Variants in DHRS12 observed in about 807,000 individuals in gnomAD.
DHRS12 encodes dehydrogenase/reductase SDR family member 12.
In DHRS12, 29 loss-of-function variants were observed where a neutral mutation model predicts 32.1. The ratio of observed to expected loss-of-function variants is 0.90; its 90% CI spans 0.67 to 1.23. The LOEUF (loss-of-function observed/expected upper bound fraction) is 1.23. DHRS12 is among the 50% of genes most tolerant of loss of function. The pLI is 0.00. For synonymous variants in DHRS12, 150 were observed against 135.9 expected (o/e 1.10, Z -0.72); for missense variants, 330 against 337.2 (o/e 0.98, Z 0.17).
At chr13:51,802,367 A>G (rs1368484092) in intron 1 of DHRS12, among the ~76,000 whole-genome samples, 1 of 152,194 alleles carries the variant, frequency 6.6e-6, no homozygotes, top group Non-Finnish European at 1.5e-5. Flanking sequence ...TTGCTTGGCA[A>G]CCTGTGGTTT....
intron 2 of DHRS12, among the ~76,000 whole-genome samples, chr13:51,798,590 TCTC>T (rs764351771): frequency 1.8e-4 from 27 of 152,248 alleles, no homozygotes; most frequent in Non-Finnish European, 3.7e-4. Flanking sequence ...GCCCCTCTTC[TCTC>T]CTCCTCTCCG....
chr13:51,801,222 T>G (rs1487999408), intron 1 of DHRS12, among the ~76,000 whole-genome samples: 1 of 152,214 alleles, frequency 6.6e-6, no homozygotes, highest in Non-Finnish European at 1.5e-5. Flanking sequence ...AGTCCCACCC[T>G]GTCGCCCAGG....
At chr13:51,755,586 C>T in the DHRS12 span, 3 of 808,750 alleles carry the variant, frequency 3.7e-6, no homozygotes, top group South Asian at 3.3e-5. Context: ...GGAGTCACCT[C>T]GTGATTGCAC....
chr13:51,797,478 C>T (rs1955558996), intron 2 of DHRS12, among the ~76,000 whole-genome samples: 2 of 152,156 alleles, frequency 1.3e-5, no homozygotes. Flanking sequence ...TGCATGGCTC[C>T]GTGGCACCCG....
chr13:51,769,386 A>C, intron 7 of DHRS12, 93 bp from the exon 8 acceptor site: 6 of 1,038,178 alleles, frequency 5.8e-6, no homozygotes, highest in Non-Finnish European at 8.0e-6. Flanking sequence ...AAGTGCAAAA[A>C]TGAAATGGGA....
the DHRS12 span, chr13:51,756,266 T>G: frequency 6.5e-7 from 1 of 1,547,034 alleles, no homozygotes; most frequent in Non-Finnish European, 8.7e-7. Context: ...CCAGGAGGGG[T>G]GAGATGCGGG....
intron 4 of DHRS12, among the ~76,000 whole-genome samples, chr13:51,781,718 G>A (rs1954718148): frequency 6.6e-6 from 1 of 152,202 alleles, no homozygotes; most frequent in Non-Finnish European, 1.5e-5. Context: ...TGCAACCAAG[G>A]CAGCTGCAAC....
At position 51,791,261 on chromosome 13, in the gene DHRS12, A is replaced by G; in HGVS notation, c.127-4T>C. 6.9e-7 allele frequency: 1 copy of G among 1,458,922 alleles called. No homozygotes were observed. Among genetic ancestry groups the G allele is most frequent in the Non-Finnish European group, 9.2e-7 (1 of 1,092,042 alleles). The allele number at this position is 1,458,922 out of a possible 1,614,324, so 90.4% of individuals were successfully genotyped here. On this transcript the variant is annotated splice_region_variant and splice_polypyrimidine_tract_variant and intron_variant, in intron 2 of 8. Transcript: ENST00000444610. ...CCACAATGTGCAGAAAAATGTTCTA[A>G]ATTAGAAAGCAAAAAAAAAAAAAAC...
the DHRS12 span, among the ~76,000 whole-genome samples, chr13:51,757,458 A>G: frequency 2.4e-5 from 3 of 123,322 alleles, no homozygotes; most frequent in Non-Finnish European, 3.7e-5. Flanking sequence ...AGAAAAAAGG[A>G]AAAAAAAAAA....
the DHRS12 span, chr13:51,756,664 A>G: frequency 3.1e-6 from 3 of 983,596 alleles, no homozygotes; most frequent in African/African-American, 5.2e-5. Context: ...AATACACTCA[A>G]AGAATTCATC....
intron 2 of DHRS12, among the ~76,000 whole-genome samples, chr13:51,792,458 G>A (rs1955321307): frequency 6.6e-6 from 1 of 152,018 alleles, no homozygotes; most frequent in Non-Finnish European, 1.5e-5. Context: ...AGAGTGCAGT[G>A]GCATGATTTT....
the DHRS12 span, chr13:51,759,624 G>T: frequency 2.4e-6 from 2 of 822,494 alleles, no homozygotes; most frequent in East Asian, 2.5e-5. Flanking sequence ...AATCATGTTA[G>T]TATAGTATGT....
chr13:51,788,337 G>T (rs1955094582), intron 4 of DHRS12, among the ~76,000 whole-genome samples: 1 of 152,006 alleles, frequency 6.6e-6, no homozygotes, highest in Non-Finnish European at 1.5e-5. Flanking sequence ...AACATATTTG[G>T]AACAAAGTCA....
At chr13:51,788,879 T>A (rs1229583356) in intron 4 of DHRS12, among the ~76,000 whole-genome samples, 1 of 151,718 alleles carries the variant, frequency 6.6e-6, no homozygotes, top group African/African-American at 2.4e-5. Context: ...AATAGTAAAT[T>A]TAGTAAATTT....
chr13:51,768,977 G>C, intron 8 of DHRS12, 179 bp downstream of exon 8: 13 of 1,415,412 alleles, frequency 9.2e-6, no homozygotes, highest in Non-Finnish European at 1.1e-5. Flanking sequence ...CCAACCTGGA[G>C]TGAAGCGCTT....
chr13:51,799,622 C>T lies in DHRS12; in HGVS notation c.38G>A (p.Trp13Ter). 1 of 1,614,172 alleles carries T rather than the reference C, an allele frequency of 6.2e-7. No individual in the cohort carries two copies. Among genetic ancestry groups the T allele is most frequent in the Non-Finnish European group, 8.5e-7 (1 of 1,180,028 alleles). ...AGACTCTTCCAGGAATCTGGACCTC[C>T]AAGTCATGAGGGACAAAGTCTTTAC... ...LHVKTLSLMT[W>*]RSRFLEESFW... Residue 13 changes from tryptophan (W) to a stop codon, truncating the protein, a stop_gained, in exon 2 of 9, where the codon TGG becomes TAG. Transcript: ENST00000444610. LOFTEE classifies it high-confidence loss of function.
At chr13:51,791,539 C>T (rs1018093502) in intron 2 of DHRS12, among the ~76,000 whole-genome samples, 13 of 152,112 alleles carry the variant, frequency 8.5e-5, no homozygotes, top group African/African-American at 2.9e-4. Context: ...CATTGTTCTA[C>T]ATCCGTGTTT....
intron 1 of DHRS12, 114 bp from the exon 2 acceptor site, chr13:51,799,781 C>T: frequency 2.3e-6 from 3 of 1,287,150 alleles, no homozygotes; most frequent in Non-Finnish European, 3.2e-6. Context: ...CCTCTCCCAA[C>T]ACATCACGAA....
chr13:51,759,195 A>G, the DHRS12 span, among the ~76,000 whole-genome samples: 1 of 152,198 alleles, frequency 6.6e-6, no homozygotes, highest in East Asian at 1.9e-4. Flanking sequence ...TAATTAATTA[A>G]TTAAAATAGG....
Sources: allele counts gnomAD v4.1 joint callset (sites outside exome capture counted in the v4.1 genomes callset), GRCh38; gene constraint gnomAD v4.1.1; transcripts MANE v1.5; gene names NCBI Gene and HGNC (gene_info 2026-07-23, HGNC 2026-07-21).